DLD: variants seen among roughly 807,000 people sequenced by gnomAD.
DLD encodes dihydrolipoamide dehydrogenase, also known as dihydrolipoyl dehydrogenase, mitochondrial.
DLD carries 36 observed loss-of-function variants against 62.2 expected under a neutral mutation model. That is an observed-to-expected ratio of 0.58 (90% CI 0.44 to 0.76). The LOEUF (loss-of-function observed/expected upper bound fraction) is 0.76. Among genes scored for constraint, DLD ranks in the 30% least tolerant of loss-of-function variants. The pLI is 0.00. For missense variants in DLD, 541 were observed against 608.6 expected (o/e 0.89, Z 1.17); for synonymous variants, 204 against 199.6 (o/e 1.02, Z -0.19).
chr7:107,899,521 CTAT>C (rs759041891), intron 2 of DLD, among the ~76,000 whole-genome samples: 23 of 151,722 alleles, frequency 1.5e-4, no homozygotes, highest in Non-Finnish European at 2.9e-4. Flanking sequence ...CATGGACCTA[CTAT>C]AAGAATTGTT....
intron 8 of DLD, among the ~76,000 whole-genome samples, chr7:107,909,876 T>G (rs1479749868): frequency 1.5e-5 from 2 of 135,848 alleles, no homozygotes; most frequent in African/African-American, 5.6e-5. Flanking sequence ...AGATGGAGTC[T>G]CGCTCTGTAG....
chr7:107,901,675 A>C, intron 2 of DLD, 63 bp from the exon 3 acceptor site: 2 of 1,364,618 alleles, frequency 1.5e-6, no homozygotes, highest in Non-Finnish European at 1.0e-6. Flanking sequence ...TGCTCTTCCA[A>C]AGAGCTCTTT....
intron 2 of DLD, among the ~76,000 whole-genome samples, chr7:107,900,775 A>G (rs1277743238): frequency 1.3e-5 from 2 of 152,144 alleles, no homozygotes; most frequent in African/African-American, 4.8e-5. Flanking sequence ...CTCATAGGAA[A>G]TTCTGAGACT....
chr7:107,891,182 C>A, upstream of DLD: 13 of 1,592,974 alleles, frequency 8.2e-6, no homozygotes, highest in South Asian at 1.1e-5. Flanking sequence ...GGAGGGGAGA[C>A]CTTGGCGGAG....
intron 1 of DLD, 190 bp downstream of exon 1, chr7:107,891,479 C>G (rs984084888): frequency 5.9e-6 from 4 of 674,394 alleles, no homozygotes; most frequent in Non-Finnish European, 1.0e-5. Context: ...CTGCAGCAGG[C>G]GAGGGACGGG....
At chr7:107,903,676 A>G (rs1427260367) in intron 5 of DLD, 129 bp downstream of exon 5, 7 of 569,318 alleles carry the variant, frequency 1.2e-5, no homozygotes, top group African/African-American at 9.5e-5. Flanking sequence ...TAAATAATCT[A>G]AAAAATGTGG....
At chr7:107,911,768 A>G (rs2032149014) in intron 8 of DLD, among the ~76,000 whole-genome samples, 2 of 151,980 alleles carry the variant, frequency 1.3e-5, no homozygotes, top group Admixed American at 6.6e-5. Flanking sequence ...ATAATTTGAT[A>G]TATTCATATA....
chr7:107,894,893 G>C, intron 2 of DLD, among the ~76,000 whole-genome samples: 1 of 152,210 alleles, frequency 6.6e-6, no homozygotes, highest in Non-Finnish European at 1.5e-5. Flanking sequence ...CATGCTTACT[G>C]TCTTTTCCTC....
chr7:107,910,481 T>C (rs578247192), intron 8 of DLD, among the ~76,000 whole-genome samples: 2 of 152,334 alleles, frequency 1.3e-5, no homozygotes, highest in Admixed American at 6.5e-5. Flanking sequence ...TGATATCTAT[T>C]TATTTTCTTG....
chr7:107,892,194 A>G (rs1029249438), intron 1 of DLD, among the ~76,000 whole-genome samples: 2 of 152,028 alleles, frequency 1.3e-5, no homozygotes, highest in Non-Finnish European at 2.9e-5. Flanking sequence ...ACTGCCGCCC[A>G]TTTTCCTGCT....
At chr7:107,918,934 C>A in intron 12 of DLD, 76 bp from the exon 13 acceptor site, 1 of 1,191,648 alleles carries the variant, frequency 8.4e-7, no homozygotes, top group Non-Finnish European at 1.3e-6. Flanking sequence ...CTAAAAGCTT[C>A]CCCTCAACAA....
chr7:107,919,067 G>A lies in DLD; in HGVS notation c.1432G>A (p.Glu478Lys), dbSNP rs2032344375. The change falls in exon 13 of 14, where the codon GAA becomes AAA. Residue 478 changes from glutamate (E) to lysine (K), a missense_variant. Transcript: ENST00000205402. ...ALALEYGASC[E>K]DIARVCHAHP... Reference sequence around the variant, plus strand: ...TGCTTTGGAATATGGAGCATCCTGTGAAGATATAGCTAGAGTCTGTCATGC... The same window carrying A: ...TGCTTTGGAATATGGAGCATCCTGTAAAGATATAGCTAGAGTCTGTCATGC... 1.2e-6 allele frequency: 2 copies of A among 1,613,846 alleles called. No individual in the cohort carries two copies. The highest frequency in any genetic ancestry group is 1.3e-5 in the African/African-American group (1 of 74,910).
At chr7:107,904,581 G>A in intron 5 of DLD, 1 of 409,328 alleles carries the variant, frequency 2.4e-6, no homozygotes, top group East Asian at 7.1e-5. Flanking sequence ...TATTTGTTTT[G>A]TTTCATGAAA....
In DLD at chr7:107,891,184, T is replaced by C; in HGVS notation, c.-67T>C. On this transcript the variant is annotated 5_prime_UTR_variant, in exon 1 of 14. Coordinates refer to ENST00000205402, the MANE Select transcript of DLD (RefSeq NM_000108.5). Reference sequence around the variant, plus strand: ...TGTGCATGCGCAGGGAGGGGAGACCTTGGCGGAGCGGCGGAGGCGCCCAGC... The same window carrying C: ...TGTGCATGCGCAGGGAGGGGAGACCCTGGCGGAGCGGCGGAGGCGCCCAGC... The C allele has an allele frequency of 1.3e-6, 2 of 1,599,522 alleles. No homozygotes were observed. Among genetic ancestry groups the C allele is most frequent in the Non-Finnish European group, 1.7e-6 (2 of 1,167,968 alleles).
intron 8 of DLD, among the ~76,000 whole-genome samples, chr7:107,915,099 C>T: frequency 6.6e-6 from 1 of 152,220 alleles, no homozygotes; most frequent in East Asian, 1.9e-4. Flanking sequence ...CCCAAACGTG[C>T]TATTTAAAAT....
At chr7:107,898,782 C>T (rs181162198) in intron 2 of DLD, among the ~76,000 whole-genome samples, 1 of 150,770 alleles carries the variant, frequency 6.6e-6, no homozygotes, top group Non-Finnish European at 1.5e-5. Context: ...TTAGTAGAGA[C>T]GGGGTTTGGT....
chr7:107,892,360 A>G (rs935973027), intron 1 of DLD, among the ~76,000 whole-genome samples: 1 of 152,202 alleles, frequency 6.6e-6, no homozygotes, highest in African/African-American at 2.4e-5. Flanking sequence ...TTCCTAAGTT[A>G]CCTTGTCTAA....
intron 2 of DLD, among the ~76,000 whole-genome samples, chr7:107,901,111 TAC>T (rs998386138): frequency 1.3e-5 from 2 of 152,130 alleles, no homozygotes; most frequent in African/African-American, 4.8e-5. Context: ...AATATGCAAG[TAC>T]AAAACATATT....
upstream of DLD, chr7:107,891,167 C>T (rs1193404780): frequency 1.3e-6 from 2 of 1,548,682 alleles, no homozygotes; most frequent in Admixed American, 1.7e-5. Context: ...CCTGTGCATG[C>T]GCAGGGAGGG....
Sources: gnomAD v4.1 joint callset for allele counts (sites outside exome capture counted in the v4.1 genomes callset) on GRCh38, gnomAD v4.1.1 for gene constraint, MANE v1.5 for transcripts, NCBI Gene and HGNC (gene_info 2026-07-23, HGNC 2026-07-21) for gene names.